SNTG1: variants seen among roughly 807,000 people sequenced by gnomAD.
The protein encoded by SNTG1 is gamma-1-syntrophin.
In SNTG1, 39 loss-of-function variants were observed where a neutral mutation model predicts 74.7. The observed-to-expected ratio is 0.52, with a 90% CI of 0.40 to 0.68. SNTG1 has a LOEUF of 0.68. SNTG1 is among the 30% of genes least tolerant of loss of function. The pLI is 0.00. For synonymous variants in SNTG1, 254 were observed against 217.1 expected, an observed-to-expected ratio of 1.17 and a Z score of -1.49; for missense variants, 685 against 609.5, an observed-to-expected ratio of 1.12 and a Z score of -1.30.
chr8:50,596,836 A>G (rs2094730588), intron 13 of SNTG1, among the ~76,000 whole-genome samples: 1 of 152,062 alleles, frequency 6.6e-6, no homozygotes, highest in African/African-American at 2.4e-5. Context: ...TAATATTTCA[A>G]ATCATATATA....
intron 12 of SNTG1, among the ~76,000 whole-genome samples, chr8:50,568,276 A>T (rs915296483): frequency 6.7e-6 from 1 of 148,336 alleles, no homozygotes; most frequent in Admixed American, 6.8e-5. Flanking sequence ...CCATCTATCT[A>T]TCTACCATTG....
At chr8:50,513,649 C>T (rs879523296) in intron 9 of SNTG1, among the ~76,000 whole-genome samples, 15 of 152,218 alleles carry the variant, frequency 9.9e-5, no homozygotes, top group African/African-American at 3.6e-4. Flanking sequence ...TGCTGCCTTG[C>T]GGTTTGATCT....
chr8:50,573,299 T>C (rs957986291), intron 12 of SNTG1, among the ~76,000 whole-genome samples: 2 of 152,098 alleles, frequency 1.3e-5, no homozygotes, highest in Non-Finnish European at 2.9e-5. Flanking sequence ...TTCAGGGATT[T>C]AAGAAACAGG....
At chr8:50,582,496 G>T (rs1010325842) in intron 12 of SNTG1, among the ~76,000 whole-genome samples, 1 of 152,084 alleles carries the variant, frequency 6.6e-6, no homozygotes, top group Non-Finnish European at 1.5e-5. Flanking sequence ...AGGAAATAAA[G>T]ATATAATTAA....
At chr8:50,714,407 GAA>G (rs34760193) in intron 17 of SNTG1, among the ~76,000 whole-genome samples, 7 of 147,240 alleles carry the variant, frequency 4.8e-5, no homozygotes, top group South Asian at 2.1e-4. Context: ...ACAAACAAAT[GAA>G]AAAAAAAAAT....
intron 1 of SNTG1, among the ~76,000 whole-genome samples, chr8:50,142,988 C>A (rs926128011): frequency 6.6e-6 from 1 of 151,944 alleles, no homozygotes; most frequent in African/African-American, 2.4e-5. Context: ...ACATGAGAAT[C>A]GCCTGAACCC....
intron 18 of SNTG1, among the ~76,000 whole-genome samples, chr8:50,775,862 A>C (rs148101005): frequency 2.2e-4 from 33 of 150,852 alleles, no homozygotes; most frequent in African/African-American, 7.9e-4. Context: ...TTATTAATTA[A>C]TCTGTCTCAT....
chr8:50,277,550 C>T (rs190791858), intron 2 of SNTG1, among the ~76,000 whole-genome samples: 4 of 152,044 alleles, frequency 2.6e-5, no homozygotes, highest in Non-Finnish European at 4.4e-5. Flanking sequence ...TACTATTTGG[C>T]TGATAGTTGT....
chr8:50,582,288 G>A (rs1026335958), intron 12 of SNTG1, among the ~76,000 whole-genome samples: 6 of 152,110 alleles, frequency 3.9e-5, no homozygotes, highest in African/African-American at 1.4e-4. Flanking sequence ...TATTAATTGA[G>A]CACCTACTAA....
chr8:50,287,456 A>G (rs2088847642), intron 2 of SNTG1, among the ~76,000 whole-genome samples: 1 of 152,188 alleles, frequency 6.6e-6, no homozygotes, highest in Non-Finnish European at 1.5e-5. Flanking sequence ...ACTGCAAAAC[A>G]GCACCAGGCC....
chr8:50,565,034 G>A (rs1238192179), intron 12 of SNTG1, among the ~76,000 whole-genome samples: 1 of 151,990 alleles, frequency 6.6e-6, no homozygotes, highest in Non-Finnish European at 1.5e-5. Flanking sequence ...TTGATATGAT[G>A]TAACAAAAAT....
intron 12 of SNTG1, among the ~76,000 whole-genome samples, chr8:50,582,880 A>G (rs1370862035): frequency 6.6e-6 from 1 of 152,222 alleles, no homozygotes; most frequent in Admixed American, 6.5e-5. Flanking sequence ...AGAAAAATAC[A>G]GAATTCCCAA....
chr8:50,149,402 C>T (rs1232387327), intron 1 of SNTG1, among the ~76,000 whole-genome samples: 8 of 152,172 alleles, frequency 5.3e-5, no homozygotes, highest in Admixed American at 4.6e-4. Flanking sequence ...TTGATTAGAT[C>T]CCATTTGTCA....
At chr8:50,387,993 C>G (rs2092601342) in intron 2 of SNTG1, among the ~76,000 whole-genome samples, 1 of 152,050 alleles carries the variant, frequency 6.6e-6, no homozygotes, top group Admixed American at 6.6e-5. Flanking sequence ...CCTGTTTTTC[C>G]CAATCAACGT....
chr8:50,259,490 C>T (rs532828252), intron 2 of SNTG1, among the ~76,000 whole-genome samples: 10 of 96,546 alleles, frequency 1.0e-4, no homozygotes, highest in African/African-American at 4.0e-4. Flanking sequence ...CAGAGAGAGA[C>T]GCTGTCTCAA....
In SNTG1 at chr8:50,748,064, G is replaced by A. The variant is rs532932289; in HGVS notation, c.1285-3937G>A. On this transcript the variant is annotated intron_variant, in intron 17 of 18. Transcript: ENST00000642720. Reference sequence around the variant, plus strand: ...TGAAGGTGAAAGTTGCAGTTTTTTTGTCTGGCATTGTTACCACTCACCATT... The same window carrying A: ...TGAAGGTGAAAGTTGCAGTTTTTTTATCTGGCATTGTTACCACTCACCATT... Among the ~76,000 whole-genome samples the A allele has an allele frequency of 4.6e-5, 7 of 152,006 alleles. No homozygotes were observed. The South Asian group carries it at 1.2e-3, about 27-fold the overall frequency.
chr8:50,679,057 A>G (rs1008600241), intron 15 of SNTG1, among the ~76,000 whole-genome samples: 3 of 152,126 alleles, frequency 2.0e-5, no homozygotes, highest in African/African-American at 4.8e-5. Context: ...ATAATATTCA[A>G]TTTTGCTGTA....
intron 15 of SNTG1, among the ~76,000 whole-genome samples, chr8:50,661,537 T>G (rs2095223308): frequency 6.6e-6 from 1 of 152,178 alleles, no homozygotes; most frequent in South Asian, 2.1e-4. Flanking sequence ...CTTAGTTTAC[T>G]TGAATTTTTT....
chr8:50,221,452 T>TA (rs1188016317), intron 2 of SNTG1, among the ~76,000 whole-genome samples: 1 of 149,290 alleles, frequency 6.7e-6, no homozygotes, highest in African/African-American at 2.5e-5. Context: ...AGAATATTAA[T>TA]AAAAAATAGA....
Sources: gnomAD v4.1 joint callset for allele counts (sites outside exome capture counted in the v4.1 genomes callset) on GRCh38, gnomAD v4.1.1 for gene constraint, MANE v1.5 for transcripts, NCBI Gene and HGNC (gene_info 2026-07-23, HGNC 2026-07-21) for gene names.